Variants in ADGRL2 observed in about 807,000 individuals in gnomAD.
ADGRL2 encodes the protein calcium-independent alpha-latrotoxin receptor 2.
ADGRL2 carries 44 observed loss-of-function variants against 157.4 expected under a neutral mutation model. That is an observed-to-expected ratio of 0.28 (90% CI 0.22 to 0.36). The LOEUF (loss-of-function observed/expected upper bound fraction) is 0.36, where lower values mean the gene tolerates loss of function less well. Ranked by LOEUF, ADGRL2 falls within the 10% of genes least tolerant of loss-of-function variation. The pLI is 1.00. For missense variants in ADGRL2, 1,510 were observed against 1,768.9 expected, an observed-to-expected ratio of 0.85 and a Z score of 2.63; for synonymous variants, 585 against 624.7, an observed-to-expected ratio of 0.94 and a Z score of 0.95.
chr1:81,468,935 G>A (rs1367065577), intron 2 of ADGRL2, among the ~76,000 whole-genome samples: 1 of 152,156 alleles, frequency 6.6e-6, no homozygotes, highest in Non-Finnish European at 1.5e-5. Flanking sequence ...GAAGAAAATA[G>A]TACAACCCAG....
chr1:81,644,993 A>G lies in ADGRL2; in HGVS notation c.-143+64013A>G, dbSNP rs2082286299. Among the ~76,000 whole-genome samples the G allele has an allele frequency of 2.0e-5, 3 of 152,310 alleles. No homozygotes were observed. In the South Asian group the frequency reaches 6.2e-4, roughly 32 times the overall value. On this transcript the variant is annotated intron_variant, in intron 3 of 24. Transcript: ENST00000370721. ...TATATGATGTAGTCCATTGATTGGT[A>G]TTTAGTTGTGTCTTATTTATTTTTT... is the stretch of plus-strand genomic sequence containing the variant.
chr1:81,859,740 T>C (rs2093330702), intron 2 of ADGRL2, among the ~76,000 whole-genome samples: 1 of 152,170 alleles, frequency 6.6e-6, no homozygotes, highest in Non-Finnish European at 1.5e-5. Context: ...ATTTAATTAA[T>C]AATCATTTCA....
chr1:81,888,288 CT>C (rs1354244184), intron 2 of ADGRL2, among the ~76,000 whole-genome samples: 1 of 152,078 alleles, frequency 6.6e-6, no homozygotes, highest in African/African-American at 2.4e-5. Flanking sequence ...TTGAGTTTCA[CT>C]TTAGTATTTT....
upstream of ADGRL2, among the ~76,000 whole-genome samples, chr1:81,694,897 C>T (rs1186053747): frequency 6.6e-6 from 1 of 152,152 alleles, no homozygotes; most frequent in African/African-American, 2.4e-5. Flanking sequence ...AATAAGCACA[C>T]ACATACATAT....
chr1:81,544,416 A>G (rs1249017982), intron 2 of ADGRL2, among the ~76,000 whole-genome samples: 1 of 152,188 alleles, frequency 6.6e-6, no homozygotes, highest in Non-Finnish European at 1.5e-5. Flanking sequence ...GGTGTTTGTT[A>G]TAGTTACTTA....
chr1:81,599,335 A>G lies in ADGRL2; in HGVS notation c.-143+18355A>G, dbSNP rs565183779. 4.3e-4 allele frequency among the ~76,000 whole-genome samples: 65 copies of G among 152,310 alleles called. No individual in the cohort carries two copies. The South Asian group carries it at 0.012, about 29-fold the overall frequency. ...GGGCCTGGAACATGGTTGGAGCCCA[A>G]TAAATGTTTGCTGAATTTAATCCAA... On this transcript the variant is annotated intron_variant, in intron 3 of 24. Transcript: ENST00000370721.
intron 3 of ADGRL2, among the ~76,000 whole-genome samples, chr1:81,640,253 G>A (rs2082192279): frequency 1.3e-5 from 2 of 152,162 alleles, no homozygotes; most frequent in Non-Finnish European, 2.9e-5. Context: ...GTAATTGAGA[G>A]TAGTCCTGAT....
At chr1:81,456,135 T>A (rs1284000050) in intron 2 of ADGRL2, among the ~76,000 whole-genome samples, 1 of 152,194 alleles carries the variant, frequency 6.6e-6, no homozygotes, top group Non-Finnish European at 1.5e-5. Context: ...AAGTGTTACA[T>A]AACAACACAA....
intron 1 of ADGRL2, chr1:81,426,959 G>A (rs2077228386): frequency 1.3e-6 from 1 of 761,748 alleles, no homozygotes; most frequent in South Asian, 1.4e-5. Flanking sequence ...GGAAGGATTT[G>A]CTTTTGCAAC....
chr1:81,929,227 T>G (rs1184155658), intron 3 of ADGRL2, among the ~76,000 whole-genome samples: 2 of 152,152 alleles, frequency 1.3e-5, no homozygotes, highest in African/African-American at 2.4e-5. Flanking sequence ...TAATTTATAT[T>G]TTCAAGAAGA....
chr1:81,496,429 C>T (rs749426174), intron 2 of ADGRL2, among the ~76,000 whole-genome samples: 1 of 152,070 alleles, frequency 6.6e-6, no homozygotes, highest in Non-Finnish European at 1.5e-5. Flanking sequence ...GACACTATGA[C>T]TGTTCTGATG....
chr1:81,339,631 T>C (rs1228696195), intron 1 of ADGRL2, among the ~76,000 whole-genome samples: 1 of 152,202 alleles, frequency 6.6e-6, no homozygotes, highest in African/African-American at 2.4e-5. Context: ...CTGATACTTA[T>C]TTTATGTTGT....
intron 2 of ADGRL2, among the ~76,000 whole-genome samples, chr1:81,484,288 A>G (rs2078452982): frequency 6.6e-6 from 1 of 152,162 alleles, no homozygotes; most frequent in East Asian, 1.9e-4. Context: ...TCTAGTTCCA[A>G]CAACTAGTCG....
chr1:81,865,045 G>C lies in ADGRL2; in HGVS notation c.73+27988G>C, dbSNP rs1026854571. ...CTTACGGCTTCCAGTATACCACTTT[G>C]TAGGTAGCAGATTGTCTGTGTATTT... On this transcript the variant is annotated intron_variant, in intron 2 of 23. Transcript: ENST00000686636. Among the ~76,000 whole-genome samples, 5 of 152,062 alleles carry C rather than the reference G, an allele frequency of 3.3e-5. No homozygotes were observed. In the South Asian group the frequency reaches 1.0e-3, roughly 32 times the overall value.
intron 1 of ADGRL2, among the ~76,000 whole-genome samples, chr1:81,349,242 A>C (rs530223687): frequency 6.6e-6 from 1 of 152,270 alleles, no homozygotes; most frequent in Non-Finnish European, 1.5e-5. Context: ...CTACAGCACT[A>C]AAGAGGTGTC....
At chr1:81,416,805 A>T (rs2077041307) in intron 1 of ADGRL2, among the ~76,000 whole-genome samples, 1 of 152,198 alleles carries the variant, frequency 6.6e-6, no homozygotes. Flanking sequence ...GTAGTCATAT[A>T]GGTGAAATAG....
At chr1:81,811,470 T>A (rs962286736) in intron 1 of ADGRL2, among the ~76,000 whole-genome samples, 19 of 151,794 alleles carry the variant, frequency 1.3e-4, no homozygotes, top group African/African-American at 4.6e-4. Flanking sequence ...ACACGTTTTT[T>A]ATAACACGTT....
intron 2 of ADGRL2, among the ~76,000 whole-genome samples, chr1:81,487,521 T>G (rs1043699749): frequency 6.6e-6 from 1 of 151,870 alleles, no homozygotes; most frequent in Admixed American, 6.6e-5. Context: ...GGTGGGCGCA[T>G]ATAATCCCAG....
At chr1:81,337,888 A>C (rs956068282) in intron 1 of ADGRL2, among the ~76,000 whole-genome samples, 2 of 152,214 alleles carry the variant, frequency 1.3e-5, no homozygotes, top group Non-Finnish European at 2.9e-5. Flanking sequence ...TCAGTCAAAT[A>C]ATTTGAAAAT....
Sources: gnomAD v4.1 joint callset for allele counts (sites outside exome capture counted in the v4.1 genomes callset) on GRCh38, gnomAD v4.1.1 for gene constraint, MANE v1.5 for transcripts, NCBI Gene and HGNC (gene_info 2026-07-23, HGNC 2026-07-21) for gene names.